The following CBFA2T3 variants were observed in gnomAD, a reference collection of about 807,000 sequenced individuals.
CBFA2T3 encodes the protein CBFA2/RUNX1 partner transcriptional co-repressor 3, also known as transcriptional corepressor CBFA2T3.
In CBFA2T3, 31 loss-of-function variants were observed where a neutral mutation model predicts 58.6. That is an observed-to-expected ratio of 0.53 (90% CI 0.40 to 0.71). CBFA2T3 has a LOEUF of 0.71. CBFA2T3 is among the 30% of genes least tolerant of loss of function. The pLI is 0.00. For synonymous variants in CBFA2T3, 531 were observed against 421.9 expected, an observed-to-expected ratio of 1.26 and a Z score of -3.17; for missense variants, 1,076 against 963.1, an observed-to-expected ratio of 1.12 and a Z score of -1.55.
intron 1 of CBFA2T3, among the ~76,000 whole-genome samples, chr16:88,929,631 G>A (rs1188344644): frequency 8.3e-6 from 1 of 119,834 alleles, no homozygotes; most frequent in African/African-American, 2.8e-5. Context: ...CATCATCCAC[G>A]CAAAAACTAC....
chr16:88,965,144 C>G (rs944527601), intron 1 of CBFA2T3, among the ~76,000 whole-genome samples: 1 of 149,532 alleles, frequency 6.7e-6, no homozygotes, highest in Non-Finnish European at 1.5e-5. Context: ...CCCACACATC[C>G]ATCCATCTAT....
rs1270143277 is a variant in CBFA2T3 at position 88,875,752 on chromosome 16, A to T, written c.*1224T>A. ...CGAAAAGCAGTCGAGAATCAACCCA[A>T]AAGATTGTCACAGTTTTGTTTCGGA... On this transcript the variant is annotated 3_prime_UTR_variant, in exon 12 of 12. Coordinates refer to ENST00000268679, the MANE Select transcript of CBFA2T3 (RefSeq NM_005187.6). The T allele has an allele frequency of 1.3e-5, 3 of 233,490 alleles. No homozygotes were observed. Among genetic ancestry groups the T allele is most frequent in the Admixed American group, 5.6e-5 (1 of 17,774 alleles). The allele number at this position is 233,490 out of a possible 1,614,324, so 14.5% of individuals were successfully genotyped here.
intron 1 of CBFA2T3, among the ~76,000 whole-genome samples, chr16:88,920,537 G>A (rs1319069333): frequency 2.6e-5 from 4 of 151,594 alleles, no homozygotes; most frequent in Admixed American, 6.6e-5. Flanking sequence ...CGCCCACCTC[G>A]GCTTCTCAAA....
chr16:88,877,637 C>A (rs1968889304), intron 11 of CBFA2T3, among the ~76,000 whole-genome samples: 1 of 152,160 alleles, frequency 6.6e-6, no homozygotes, highest in Non-Finnish European at 1.5e-5. Flanking sequence ...TCACCATCCG[C>A]CTCTGCTGCA....
intron 11 of CBFA2T3, 87 bp downstream of exon 11, chr16:88,879,183 G>T: frequency 8.4e-7 from 1 of 1,196,510 alleles, no homozygotes; most frequent in Non-Finnish European, 1.2e-6. Flanking sequence ...GATGCCACGT[G>T]GAGGCTCAGA....
intron 1 of CBFA2T3, among the ~76,000 whole-genome samples, chr16:88,912,957 G>A (rs571227305): frequency 6.6e-4 from 100 of 152,334 alleles, no homozygotes; most frequent in Admixed American, 2.2e-3. Context: ...AGGGAATGCC[G>A]GTCATGGCTA....
chr16:88,896,886 G>T (rs536733114), intron 3 of CBFA2T3, among the ~76,000 whole-genome samples: 9 of 152,324 alleles, frequency 5.9e-5, no homozygotes, highest in African/African-American at 2.2e-4. Context: ...GCCTGCCCGC[G>T]CACTCCCTCC....
chr16:88,914,918 C>T (rs1161410936), intron 1 of CBFA2T3, among the ~76,000 whole-genome samples: 1 of 151,990 alleles, frequency 6.6e-6, no homozygotes, highest in East Asian at 2.0e-4. Context: ...CCAACAGCAA[C>T]TCCCTGAGCG....
intron 1 of CBFA2T3, 93 bp from the exon 2 acceptor site, chr16:88,901,749 G>A (rs183987243): frequency 2.5e-6 from 3 of 1,179,930 alleles, no homozygotes; most frequent in African/African-American, 1.6e-5. Flanking sequence ...AGGCCCCACT[G>A]AGTGTCCGCC....
chr16:88,916,867 C>T (rs893592985), intron 1 of CBFA2T3, among the ~76,000 whole-genome samples: 24 of 151,950 alleles, frequency 1.6e-4, no homozygotes, highest in African/African-American at 4.1e-4. Context: ...ACTAGACAGG[C>T]GTGGAGGGGC....
intron 3 of CBFA2T3, 95 bp downstream of exon 3, chr16:88,897,983 G>C (rs930880009): frequency 2.2e-6 from 2 of 903,148 alleles, no homozygotes; most frequent in African/African-American, 3.3e-5. Flanking sequence ...CCGGGGAGGA[G>C]AGCTGAGCGC....
intron 1 of CBFA2T3, among the ~76,000 whole-genome samples, chr16:88,903,320 C>T (rs934887289): frequency 6.6e-6 from 1 of 152,232 alleles, no homozygotes; most frequent in Non-Finnish European, 1.5e-5. Flanking sequence ...AGGGCAGTGG[C>T]GCCTGGGCTC....
chr16:88,957,957 A>G (rs1306721175), intron 1 of CBFA2T3, among the ~76,000 whole-genome samples: 1 of 152,240 alleles, frequency 6.6e-6, no homozygotes, highest in African/African-American at 2.4e-5. Context: ...AGTGCCACTG[A>G]CTTGTGTACT....
At chr16:88,948,769 G>A (rs1262774716) in intron 1 of CBFA2T3, among the ~76,000 whole-genome samples, 1 of 152,204 alleles carries the variant, frequency 6.6e-6, no homozygotes, top group Non-Finnish European at 1.5e-5. Flanking sequence ...GTAAAACGGG[G>A]CTAAGAGCTG....
rs1597648394 is a variant in CBFA2T3 at position 88,875,760 on chromosome 16, TCA to T, written c.*1214_*1215del. 8.6e-6 allele frequency: 2 copies of T among 233,580 alleles called. No individual in the cohort carries two copies. The highest frequency in any genetic ancestry group is 2.2e-5 in the African/African-American group (1 of 45,420). 14.5% of individuals were successfully genotyped at this position (233,580 alleles called of 1,614,324 possible). On this transcript the variant is annotated 3_prime_UTR_variant, in exon 12 of 12. Coordinates refer to ENST00000268679, the MANE Select transcript of CBFA2T3 (RefSeq NM_005187.6). ...AGTCGAGAATCAACCCAAAAGATTG[TCA>T]CAGTTTTGTTTCGGAATTATGCTCT... is the stretch of plus-strand genomic sequence containing the variant.
chr16:88,908,168 C>T (rs575996557), intron 1 of CBFA2T3, among the ~76,000 whole-genome samples: 3 of 152,208 alleles, frequency 2.0e-5, no homozygotes, highest in Middle Eastern at 3.4e-3. Context: ...ATGGTGAAAC[C>T]CCGTCTCTAC....
chr16:88,927,925 G>A (rs750620766), intron 1 of CBFA2T3, among the ~76,000 whole-genome samples: 13 of 152,218 alleles, frequency 8.5e-5, no homozygotes, highest in African/African-American at 1.2e-4. Flanking sequence ...ATGCTGACAC[G>A]GGCAACCCTG....
intron 7 of CBFA2T3, chr16:88,884,831 C>A (rs1969291543): frequency 4.2e-6 from 2 of 471,924 alleles, no homozygotes; most frequent in Non-Finnish European, 7.5e-6. Context: ...AGGCCGCCCA[C>A]CCCGGGGGGA....
In CBFA2T3 at chr16:88,885,138, T is replaced by C; in HGVS notation, c.1025A>G (p.Tyr342Cys). 1.2e-6 allele frequency: 2 copies of C among 1,600,920 alleles called. No homozygotes were observed. ...GGCCATGGCTATGTCCTCCAGGCGG[T>C]AGTGCGGCGGCGGTGTGGGCTGCGG... Reference protein sequence around the residue: ...GPPQPTPPPHYRLEDIAMAHH... With the variant: ...GPPQPTPPPHCRLEDIAMAHH... The change falls in exon 7 of 12, where the codon TAC (tyrosine) becomes TGC (cysteine). Residue 342 changes from tyrosine to cysteine, a missense_variant. Coordinates refer to ENST00000268679, the MANE Select transcript of CBFA2T3 (RefSeq NM_005187.6). The surrounding 1 kb of genome is among the most constrained non-coding windows in gnomAD (Gnocchi z 5.3).
Sources: allele counts gnomAD v4.1 joint callset (sites outside exome capture counted in the v4.1 genomes callset), GRCh38; gene constraint gnomAD v4.1.1; non-coding constraint Gnocchi (gnomAD v3.1); transcripts MANE v1.5; gene names NCBI Gene and HGNC (gene_info 2026-07-23, HGNC 2026-07-21).